CYP19A1: variants seen among roughly 807,000 people sequenced by gnomAD.
The protein encoded by CYP19A1 is aromatase.
Under a neutral mutation model 44.4 loss-of-function variants are expected in CYP19A1, and 32 were observed. The ratio of observed to expected loss-of-function variants is 0.72; its 90% CI spans 0.54 to 0.97. The LOEUF is 0.97. Ranked by LOEUF, CYP19A1 falls within the 50% of genes least tolerant of loss-of-function variation. The probability of loss-of-function intolerance (pLI) is 0.00; values close to 1 mark genes in which losing one functional copy is unlikely to be tolerated. For synonymous variants in CYP19A1, 212 were observed against 215.6 expected (o/e 0.98, Z 0.14); for missense variants, 598 against 637.8 (o/e 0.94, Z 0.67).
At position 51,218,523 on chromosome 15, in the gene CYP19A1, C is replaced by T; in HGVS notation, c.743+18G>A. 2 of 1,606,264 alleles carry T rather than the reference C, an allele frequency of 1.2e-6. No individual in the cohort carries two copies. Among genetic ancestry groups the T allele is most frequent in the Non-Finnish European group, 1.7e-6 (2 of 1,175,898 alleles). The stretch of plus-strand genomic sequence containing the variant: ...AATCCAATTGTACTCATAAATCTTC[C>T]AAAGTTGTATTACTTACACAGACTT... On this transcript the variant is annotated intron_variant, in intron 6 of 9. Coordinates refer to ENST00000396402, the MANE Select transcript of CYP19A1 (RefSeq NM_000103.4).
At chr15:51,263,309 T>C (rs940447538) in intron 1 of CYP19A1, among the ~76,000 whole-genome samples, 1 of 152,190 alleles carries the variant, frequency 6.6e-6, no homozygotes, top group Non-Finnish European at 1.5e-5. Flanking sequence ...AACATTGACA[T>C]TGGATAAACT....
At chr15:51,267,619 G>T (rs905834720) in intron 1 of CYP19A1, among the ~76,000 whole-genome samples, 2 of 152,254 alleles carry the variant, frequency 1.3e-5, no homozygotes, top group East Asian at 3.9e-4. Context: ...CCAGGAAGAC[G>T]CAGGAGACGC....
At chr15:51,251,342 A>T (rs912762871) in intron 1 of CYP19A1, among the ~76,000 whole-genome samples, 3 of 152,168 alleles carry the variant, frequency 2.0e-5, no homozygotes, top group African/African-American at 7.2e-5. Context: ...ATCCAGAGCC[A>T]TGCCTGAGTC....
At chr15:51,302,983 C>T (rs1566919252) in intron 1 of CYP19A1, among the ~76,000 whole-genome samples, 1 of 152,190 alleles carries the variant, frequency 6.6e-6, no homozygotes, top group Non-Finnish European at 1.5e-5. Context: ...GGAGCTCAGG[C>T]TGGGAGTCTG....
chr15:51,331,977 G>A (rs894502036), intron 1 of CYP19A1, among the ~76,000 whole-genome samples: 1 of 151,180 alleles, frequency 6.6e-6, no homozygotes, highest in African/African-American at 2.4e-5. Flanking sequence ...ATACAAGAAA[G>A]CATATAACTG....
chr15:51,237,993 G>A (rs753095079), intron 2 of CYP19A1, among the ~76,000 whole-genome samples: 10 of 152,126 alleles, frequency 6.6e-5, no homozygotes, highest in Admixed American at 3.3e-4. Context: ...CTCACCTTAC[G>A]GGCAAAAGTT....
At chr15:51,328,599 C>T (rs56946882) in intron 1 of CYP19A1, among the ~76,000 whole-genome samples, 8,652 of 149,728 alleles carry the variant, frequency 0.058, 835 homozygotes, top group African/African-American at 0.2. Context: ...TGTGTGTGTA[C>T]GTTAAGTGTG....
rs540734984 is a variant in CYP19A1, at chr15:51,289,466, C to T, written c.-38-46516G>A. The stretch of plus-strand genomic sequence containing the variant: ...AGACCCACACTCTCACCCACAGGGA[C>T]GTGAACTTGGCTCTGCTTGTCATCA... On this transcript the variant is annotated intron_variant, in intron 1 of 9. Coordinates refer to ENST00000396402, the MANE Select transcript of CYP19A1 (RefSeq NM_000103.4). 1.2e-3 allele frequency among the ~76,000 whole-genome samples: 179 copies of T among 152,260 alleles called. 2 individuals are homozygous for T. Among genetic ancestry groups the T allele is most frequent in the Non-Finnish European group, 1.5e-3 (99 of 68,034 alleles).
At chr15:51,234,785 G>A (rs1328710152) in intron 3 of CYP19A1, among the ~76,000 whole-genome samples, 1 of 152,154 alleles carries the variant, frequency 6.6e-6, no homozygotes, top group African/African-American at 2.4e-5. Flanking sequence ...TGATGCCTGA[G>A]TCCTACCCCC....
At chr15:51,273,012 G>A (rs1316735739) in intron 1 of CYP19A1, among the ~76,000 whole-genome samples, 1 of 152,044 alleles carries the variant, frequency 6.6e-6, no homozygotes. Flanking sequence ...AGGCTAGAGT[G>A]CAGTGGCATG....
At chr15:51,294,588 A>G (rs78087900) in intron 1 of CYP19A1, among the ~76,000 whole-genome samples, 162 of 112,514 alleles carry the variant, frequency 1.4e-3, no homozygotes, top group African/African-American at 6.1e-3. Context: ...AGGTGGGGGG[A>G]TCAGCCCCCC....
chr15:51,291,096 G>T (rs1460193707), intron 1 of CYP19A1, among the ~76,000 whole-genome samples: 1 of 152,114 alleles, frequency 6.6e-6, no homozygotes, highest in Non-Finnish European at 1.5e-5. Flanking sequence ...TCCTAAGTTT[G>T]GCAGAAAACT....
intron 1 of CYP19A1, among the ~76,000 whole-genome samples, chr15:51,287,273 G>A (rs979779968): frequency 1.5e-4 from 23 of 152,120 alleles, no homozygotes; most frequent in African/African-American, 4.3e-4. Context: ...AAAAACAACC[G>A]AGGCTCCTCA....
chr15:51,289,828 G>C (rs1419021814), intron 1 of CYP19A1, among the ~76,000 whole-genome samples: 3 of 152,166 alleles, frequency 2.0e-5, no homozygotes, highest in Admixed American at 6.5e-5. Flanking sequence ...GATAGAGAGG[G>C]AGGGGCTGCG....
intron 5 of CYP19A1, 131 bp downstream of exon 5, chr15:51,222,218 G>C (rs1277736218): frequency 1.3e-6 from 2 of 1,507,922 alleles, no homozygotes; most frequent in Non-Finnish European, 1.8e-6. Flanking sequence ...AAAAAAACGA[G>C]GAGTACTTAG....
At chr15:51,330,261 T>C (rs1198140624) in intron 1 of CYP19A1, among the ~76,000 whole-genome samples, 1 of 151,968 alleles carries the variant, frequency 6.6e-6, no homozygotes, top group African/African-American at 2.4e-5. Flanking sequence ...ACTAGCAGAC[T>C]GGGAGTAGAA....
At chr15:51,270,097 T>C (rs1365122431) in intron 1 of CYP19A1, among the ~76,000 whole-genome samples, 1 of 152,234 alleles carries the variant, frequency 6.6e-6, no homozygotes, top group African/African-American at 2.4e-5. Context: ...ATTTAGGTCC[T>C]TTACAATTTC....
intron 1 of CYP19A1, among the ~76,000 whole-genome samples, chr15:51,337,636 C>T (rs551213412): frequency 2.6e-5 from 4 of 152,226 alleles, no homozygotes; most frequent in African/African-American, 7.2e-5. Context: ...GAAGGGTACT[C>T]GGAGTTAGGC....
intron 1 of CYP19A1, among the ~76,000 whole-genome samples, chr15:51,286,763 G>A (rs2035712352): frequency 6.6e-6 from 1 of 152,146 alleles, no homozygotes; most frequent in South Asian, 2.1e-4. Context: ...TGTGCAGCAA[G>A]GCAATCAGAT....
Sources: allele counts gnomAD v4.1 joint callset (sites outside exome capture counted in the v4.1 genomes callset), GRCh38; gene constraint gnomAD v4.1.1; transcripts MANE v1.5; gene names NCBI Gene and HGNC (gene_info 2026-07-23, HGNC 2026-07-21).